ZNF503: variants seen among roughly 807,000 people sequenced by gnomAD.
ZNF503 encodes the protein zinc finger protein 503, also known as NocA-like zinc finger 2.
In ZNF503, 15 loss-of-function variants were observed where a neutral mutation model predicts 34.4. The ratio of observed to expected loss-of-function variants is 0.44; its 90% confidence interval spans 0.29 to 0.67. The LOEUF (loss-of-function observed/expected upper bound fraction) is 0.67. Ranked by LOEUF, ZNF503 falls within the 30% of genes least tolerant of loss-of-function variation. The pLI is 0.13. For missense variants in ZNF503, 1,007 were observed against 926.8 expected (o/e 1.09, Z -1.12); for synonymous variants, 580 against 456.8 (o/e 1.27, Z -3.44).
At chr10:75,395,237 C>T (rs1220763583), downstream of ZNF503, among the ~76,000 whole-genome samples, 2 of 152,184 alleles carry the variant, frequency 1.3e-5, no homozygotes. This position sits in a 1 kb window ranked among gnomAD's most constrained non-coding sequence, Gnocchi z 4.4. Context: ...GACACGTGGG[C>T]CAATCCTCTG....
the ZNF503 span, among the ~76,000 whole-genome samples, chr10:75,381,805 CTTTTTT>C: frequency 1.1e-3 from 42 of 38,642 alleles, no homozygotes; most frequent in East Asian, 0.018. Context: ...GAACCTAATT[CTTTTTT>C]TTTTTTTTTT....
chr10:75,369,575 C>G, the ZNF503 span, among the ~76,000 whole-genome samples: 1 of 152,200 alleles, frequency 6.6e-6, no homozygotes, highest in Non-Finnish European at 1.5e-5. Context: ...AACTGTAAGT[C>G]AATTAAATCT....
chr10:75,396,943 A>T (rs528803957), downstream of ZNF503, among the ~76,000 whole-genome samples: 1 of 152,146 alleles, frequency 6.6e-6, no homozygotes, highest in Admixed American at 6.5e-5. The surrounding 1 kb of genome is among the most constrained non-coding windows in gnomAD (Gnocchi z 4.4). Context: ...GGCCCGCGCC[A>T]CAGGGAGCTG....
the ZNF503 span, chr10:75,382,341 A>ATGGATT: frequency 3.8e-6 from 1 of 266,446 alleles, no homozygotes; most frequent in Non-Finnish European, 7.8e-6. Context: ...AACAAGGCTG[A>ATGGATT]TGGATTTGGA....
chr10:75,301,530 C>T, the ZNF503 span, among the ~76,000 whole-genome samples: 2 of 152,178 alleles, frequency 1.3e-5, no homozygotes, highest in Admixed American at 1.3e-4. Flanking sequence ...CGTGAGCCAC[C>T]ATGCCCGGCC....
At chr10:75,329,167 A>T in the ZNF503 span, among the ~76,000 whole-genome samples, 1 of 151,758 alleles carries the variant, frequency 6.6e-6, no homozygotes, top group Non-Finnish European at 1.5e-5. Context: ...TTTTTTGTGT[A>T]GCTATTGTGA....
At chr10:75,344,792 T>C in the ZNF503 span, among the ~76,000 whole-genome samples, 1 of 152,380 alleles carries the variant, frequency 6.6e-6, no homozygotes, top group African/African-American at 2.4e-5. Context: ...ATTGCAGAGA[T>C]GCCCAAGGTC....
At chr10:75,308,764 G>A in the ZNF503 span, among the ~76,000 whole-genome samples, 1 of 152,216 alleles carries the variant, frequency 6.6e-6, no homozygotes, top group African/African-American at 2.4e-5. Context: ...AGAATTAGAA[G>A]TGGAGCCCGA....
At chr10:75,373,854 C>G in the ZNF503 span, among the ~76,000 whole-genome samples, 2 of 152,222 alleles carry the variant, frequency 1.3e-5, no homozygotes, top group African/African-American at 4.8e-5. Flanking sequence ...CTGCCCATCT[C>G]CAGCTCCTTA....
the ZNF503 span, among the ~76,000 whole-genome samples, chr10:75,368,016 G>A: frequency 1.3e-5 from 2 of 152,242 alleles, no homozygotes; most frequent in South Asian, 4.2e-4. Flanking sequence ...AGTAAACCTC[G>A]AGTTAGGGCA....
chr10:75,355,239 G>A, the ZNF503 span, among the ~76,000 whole-genome samples: 6 of 152,154 alleles, frequency 3.9e-5, no homozygotes, highest in African/African-American at 1.4e-4. Flanking sequence ...GGAGAGTTAG[G>A]TTTTAATCTT....
the ZNF503 span, among the ~76,000 whole-genome samples, chr10:75,336,013 A>G: frequency 6.6e-6 from 1 of 152,240 alleles, no homozygotes; most frequent in Admixed American, 6.5e-5. Context: ...AACTGGCAGC[A>G]TGGCATGGTA....
At chr10:75,393,028 C>T (rs762084424), downstream of ZNF503, among the ~76,000 whole-genome samples, 24 of 152,156 alleles carry the variant, frequency 1.6e-4, no homozygotes, top group Non-Finnish European at 3.1e-4. Context: ...GTGCTTTTTC[C>T]ACTGCACCAT....
chr10:75,283,809 A>C, the ZNF503 span: 18 of 152,246 alleles, frequency 1.2e-4, no homozygotes, highest in Non-Finnish European at 1.9e-4. Context: ...CTGACGACTC[A>C]GGGCAGCTTC....
chr10:75,339,638 G>A, the ZNF503 span, among the ~76,000 whole-genome samples: 1 of 152,200 alleles, frequency 6.6e-6, no homozygotes, highest in Non-Finnish European at 1.5e-5. Flanking sequence ...ACGGGTGGGT[G>A]TCGCCAGCGA....
chr10:75,294,119 C>A, the ZNF503 span, among the ~76,000 whole-genome samples: 2 of 152,220 alleles, frequency 1.3e-5, no homozygotes, highest in Non-Finnish European at 2.9e-5. Flanking sequence ...TAAGAGGTTA[C>A]CAGCGTCTCC....
chr10:75,345,432 C>T, the ZNF503 span, among the ~76,000 whole-genome samples: 256 of 151,860 alleles, frequency 1.7e-3, 1 homozygote, highest in East Asian at 4.7e-3. Flanking sequence ...GTCAGGAGTT[C>T]GAGACCAGAC....
chr10:75,335,422 A>C, the ZNF503 span, among the ~76,000 whole-genome samples: 1 of 152,240 alleles, frequency 6.6e-6, no homozygotes, highest in African/African-American at 2.4e-5. Flanking sequence ...GTAGAATAGC[A>C]GGGTAATCTG....
rs1309908795 is a variant in ZNF503, at chr10:75,400,083, C to G, written c.607G>C (p.Gly203Arg). ...CCCGACTTCTCCGACGAAACACCCC[C>G]GCCGCCGCCCCCGCCACCGCCACCG... is the stretch of plus-strand genomic sequence containing the variant. ...GGGGGGGGGG[G>R]GVSSEKSGFR... Residue 203 changes from glycine to arginine, a missense_variant, in exon 2 of 2, where the codon GGG becomes CGG. Coordinates refer to ENST00000372524, the MANE Select transcript of ZNF503 (RefSeq NM_032772.6). The G allele has an allele frequency of 1.3e-6, 2 of 1,544,330 alleles. No homozygotes were observed. Among genetic ancestry groups the G allele is most frequent in the Non-Finnish European group, 1.7e-6 (2 of 1,145,940 alleles).
Sources: gnomAD v4.1 joint callset for allele counts (sites outside exome capture counted in the v4.1 genomes callset) on GRCh38, gnomAD v4.1.1 for gene constraint, Gnocchi (gnomAD v3.1) non-coding constraint, MANE v1.5 for transcripts, NCBI Gene and HGNC (gene_info 2026-07-23, HGNC 2026-07-21) for gene names.